Variants in CUBN observed in about 807,000 individuals in gnomAD.
CUBN encodes cubilin, also known as 460 kDa receptor.
Under a neutral mutation model 405.3 loss-of-function variants are expected in CUBN, and 282 were observed. The ratio of observed to expected loss-of-function variants is 0.70; its 90% CI spans 0.63 to 0.77. CUBN has a LOEUF of 0.77. Among genes scored for constraint, CUBN ranks in the 30% least tolerant of loss-of-function variants. The pLI is 0.00. For synonymous variants in CUBN, 1,684 were observed against 1,617.0 expected, an observed-to-expected ratio of 1.04 and a Z score of -0.99; for missense variants, 4,514 against 4,475.2, an observed-to-expected ratio of 1.01 and a Z score of -0.25.
chr10:17,071,426 C>G lies in CUBN; in HGVS notation c.2625G>C (p.Glu875Asp). ...SSAHCETDYV[E>D]IGSSSILGSP... ...AATTCAAAGATTTTTTCCCTCTTAC[C>G]TCAACATAATCTGTTTCACAGTGGG... Residue 875 changes from glutamate to aspartate, a missense_variant and splice_region_variant, in exon 19 of 67, where the codon GAG becomes GAC. Transcript: ENST00000377833. 6.2e-7 allele frequency: 1 copy of G among 1,613,676 alleles called. No homozygotes were observed. Among genetic ancestry groups the G allele is most frequent in the South Asian group, 1.1e-5 (1 of 91,060 alleles).
At position 17,120,333 on chromosome 10, in the gene CUBN, C is replaced by T. The variant is rs536467396; in HGVS notation, c.593+2462G>A. Among the ~76,000 whole-genome samples, 30 of 152,234 alleles carry T rather than the reference C, an allele frequency of 2.0e-4. 2 individuals carry two copies. In the South Asian group the frequency reaches 5.6e-3, roughly 28 times the overall value. On this transcript the variant is annotated intron_variant, in intron 6 of 66. Coordinates refer to ENST00000377833, the MANE Select transcript of CUBN (RefSeq NM_001081.4). The stretch of plus-strand genomic sequence containing the variant: ...AAGTCTCTAACATATGCCTGAATTA[C>T]GGGACTTAAAGTGTAGATAATGAAA...
At chr10:16,925,191 A>T (rs375232022) in intron 43 of CUBN, 50 bp downstream of exon 43, 1 of 1,489,986 alleles carries the variant, frequency 6.7e-7, no homozygotes, top group Non-Finnish European at 9.4e-7. Context: ...ATCAAAGAAG[A>T]TCAAGCAATT....
chr10:16,877,904 T>C (rs1840558649), intron 56 of CUBN, among the ~76,000 whole-genome samples: 2 of 152,226 alleles, frequency 1.3e-5, no homozygotes, highest in African/African-American at 2.4e-5. Context: ...TTTGTATTAA[T>C]AGGAAATGAC....
In CUBN at chr10:17,046,177, T is replaced by C. The variant is rs140451756; in HGVS notation, c.3330-83A>G. 3.8e-5 allele frequency: 48 copies of C among 1,267,240 alleles called. 1 individual carries two copies. The South Asian group carries it at 4.3e-4, about 11-fold the overall frequency. The allele number at this position is 1,267,240 out of a possible 1,614,324, so 78.5% of individuals were successfully genotyped here. A position where few individuals can be genotyped will look rare whatever the true frequency, so the allele number is the denominator to read the frequency against. ...ATTTAACATAATTTGAACTTTGGGA[T>C]TGCAAACATTAGCAGTTTATTGGAT... On this transcript the variant is annotated intron_variant, in intron 23 of 66. Coordinates refer to ENST00000377833, the MANE Select transcript of CUBN (RefSeq NM_001081.4).
chr10:16,936,992 C>T (rs1295796917), intron 39 of CUBN, among the ~76,000 whole-genome samples: 2 of 152,186 alleles, frequency 1.3e-5, no homozygotes, highest in Non-Finnish European at 2.9e-5. Context: ...GCTGGGATTA[C>T]AGGCATCAGC....
At chr10:17,022,735 C>T (rs1379242082) in intron 27 of CUBN, among the ~76,000 whole-genome samples, 2 of 152,152 alleles carry the variant, frequency 1.3e-5, no homozygotes, top group East Asian at 3.9e-4. Context: ...AACTAATTAG[C>T]ACAGAAACAA....
chr10:16,892,072 T>C (rs1247494058), intron 54 of CUBN, among the ~76,000 whole-genome samples: 1 of 152,158 alleles, frequency 6.6e-6, no homozygotes, highest in East Asian at 1.9e-4. Flanking sequence ...AAACATCAAG[T>C]CATTAAAAAC....
chr10:16,896,813 A>G lies in CUBN; in HGVS notation c.8598+2183T>C, dbSNP rs558780276. ...GTTGAATCTTTTGTTACTGTCCATG[A>G]GTCCCTAAGTCTGTGTTGATCTAGT... On this transcript the variant is annotated intron_variant, in intron 54 of 66. Coordinates refer to ENST00000377833, the MANE Select transcript of CUBN (RefSeq NM_001081.4). Among the ~76,000 whole-genome samples, 7 of 152,174 alleles carry G rather than the reference A, an allele frequency of 4.6e-5. 1 individual carries two copies. The South Asian group carries it at 1.2e-3, about 27-fold the overall frequency.
intron 48 of CUBN, among the ~76,000 whole-genome samples, chr10:16,910,754 T>C (rs1841705878): frequency 6.6e-6 from 1 of 151,152 alleles, no homozygotes; most frequent in Admixed American, 6.6e-5. Context: ...AAAATTATTA[T>C]TAATATATTC....
chr10:16,882,290 G>A (rs985609430), intron 56 of CUBN, among the ~76,000 whole-genome samples: 5 of 152,204 alleles, frequency 3.3e-5, no homozygotes, highest in East Asian at 1.9e-4. Flanking sequence ...TCTTCAACAA[G>A]TGATTTGATA....
chr10:17,126,789 A>G lies in CUBN; in HGVS notation c.359T>C (p.Leu120Pro). ...IYQLNSKLVD[L>P]ERKFQGLQQT... The stretch of plus-strand genomic sequence containing the variant: ...CTGCAAGCCTTGGAATTTTCTCTCA[A>G]GATCCACCAGCTGGCAATAGGGAAG... Residue 120 changes from leucine to proline, a missense_variant, in exon 4 of 67, where the codon CTT becomes CCT. Coordinates refer to ENST00000377833, the MANE Select transcript of CUBN (RefSeq NM_001081.4). The G allele has an allele frequency of 6.2e-7, 1 of 1,614,202 alleles. No individual in the cohort carries two copies. Among genetic ancestry groups the G allele is most frequent in the Non-Finnish European group, 8.5e-7 (1 of 1,180,028 alleles).
At chr10:17,090,803 A>T (rs1419228331) in intron 14 of CUBN, among the ~76,000 whole-genome samples, 1 of 143,198 alleles carries the variant, frequency 7.0e-6, no homozygotes, top group African/African-American at 2.6e-5. Context: ...TTACTGTATG[A>T]GAGAAGAGGT....
At chr10:17,068,326 C>T (rs777128342) in intron 20 of CUBN, 46 bp from the exon 21 acceptor site, 2 of 1,574,570 alleles carry the variant, frequency 1.3e-6, no homozygotes, top group South Asian at 1.1e-5. Context: ...AACCAAGCTA[C>T]CTGGATTTCA....
intron 66 of CUBN, among the ~76,000 whole-genome samples, chr10:16,828,267 T>C (rs1015798841): frequency 1.3e-4 from 19 of 151,992 alleles, no homozygotes; most frequent in Admixed American, 1.2e-3. Flanking sequence ...ACTCCACAGG[T>C]GATTCTGACG....
At chr10:16,977,656 A>T (rs1833138118) in intron 31 of CUBN, among the ~76,000 whole-genome samples, 1 of 152,224 alleles carries the variant, frequency 6.6e-6, no homozygotes, top group Non-Finnish European at 1.5e-5. Context: ...CCAAGAGGAC[A>T]CTGAGCTGGT....
rs369616364 is a variant in CUBN at position 17,085,674 on chromosome 10, G to C, written c.2033C>G (p.Pro678Arg). ...TGAATGGAAGTGAATTCTGGCAAAG[G>C]GGCCAGTAGTCTGGAGCGGTGGGAC... ...FSVPPLQTTG[P>R]FARIHFHSDS... The change falls in exon 16 of 67, where the codon CCC becomes CGC. Residue 678 changes from proline to arginine, a missense_variant. Transcript: ENST00000377833. 1 of 1,614,032 alleles carries C rather than the reference G, an allele frequency of 6.2e-7. No individual in the cohort carries two copies.
intron 28 of CUBN, among the ~76,000 whole-genome samples, chr10:16,993,449 G>A (rs1564467412): frequency 6.6e-6 from 1 of 151,944 alleles, no homozygotes; most frequent in Admixed American, 6.6e-5. Context: ...TTAAATTGTC[G>A]CTGTAAACTG....
chr10:17,069,283 T>G (rs1397343854), intron 19 of CUBN, among the ~76,000 whole-genome samples: 4 of 152,222 alleles, frequency 2.6e-5, no homozygotes, highest in Non-Finnish European at 5.9e-5. Flanking sequence ...AGATGATGAC[T>G]GTAGATATAT....
intron 66 of CUBN, among the ~76,000 whole-genome samples, chr10:16,827,904 A>G (rs1838836138): frequency 6.6e-6 from 1 of 152,168 alleles, no homozygotes; most frequent in South Asian, 2.1e-4. Flanking sequence ...CTCTTTAAGT[A>G]TCTACTTGCA....
Sources: allele counts gnomAD v4.1 joint callset (sites outside exome capture counted in the v4.1 genomes callset), GRCh38; gene constraint gnomAD v4.1.1; transcripts MANE v1.5; gene names NCBI Gene and HGNC (gene_info 2026-07-23, HGNC 2026-07-21).